IQCJ: variants seen among roughly 807,000 people sequenced by gnomAD.
IQCJ encodes the protein IQ motif containing J.
IQCJ carries 9 observed loss-of-function variants against 11.0 expected under a neutral mutation model. The ratio of observed to expected loss-of-function variants is 0.82; its 90% CI spans 0.49 to 1.43. The LOEUF is 1.43. IQCJ is among the 40% of genes most tolerant of loss of function. The probability of loss-of-function intolerance (pLI) is 0.00; values close to 1 mark genes in which losing one functional copy is unlikely to be tolerated. For synonymous variants in IQCJ, 55 were observed against 51.3 expected (o/e 1.07, Z -0.31); for missense variants, 146 against 133.2 (o/e 1.10, Z -0.47).
chr3:159,134,932 T>A (rs1393506443), intron 1 of IQCJ, among the ~76,000 whole-genome samples: 1 of 152,218 alleles, frequency 6.6e-6, no homozygotes, highest in African/African-American at 2.4e-5. Context: ...ACGGTAATTT[T>A]AGTCCCTGAG....
intron 2 of IQCJ, among the ~76,000 whole-genome samples, chr3:159,247,887 G>A (rs927026736): frequency 6.6e-6 from 1 of 152,130 alleles, no homozygotes; most frequent in African/African-American, 2.4e-5. Context: ...TGCTTCTGAG[G>A]CCTTTTCTCC....
At chr3:159,091,757 T>G (rs1717328689) in intron 1 of IQCJ, among the ~76,000 whole-genome samples, 1 of 150,098 alleles carries the variant, frequency 6.7e-6, no homozygotes, top group African/African-American at 2.5e-5. Context: ...TTGGGACAAT[T>G]TGAGTATCAG....
At chr3:159,156,208 C>A (rs1721512883) in intron 1 of IQCJ, among the ~76,000 whole-genome samples, 1 of 152,146 alleles carries the variant, frequency 6.6e-6, no homozygotes, top group Non-Finnish European at 1.5e-5. Context: ...CAAGAGAAAT[C>A]TAAGACAAAA....
At chr3:159,149,883 CT>C (rs1421053871) in intron 1 of IQCJ, among the ~76,000 whole-genome samples, 3 of 152,124 alleles carry the variant, frequency 2.0e-5, no homozygotes, top group Admixed American at 1.3e-4. Flanking sequence ...CATCTCTCCC[CT>C]GACTCATCTC....
intron 1 of IQCJ, among the ~76,000 whole-genome samples, chr3:159,169,478 G>C (rs1001271678): frequency 1.3e-5 from 2 of 151,156 alleles, no homozygotes; most frequent in Non-Finnish European, 3.0e-5. Context: ...GTAGAGGCGG[G>C]GTGGTTTCAC....
At chr3:159,155,448 A>G (rs1721462324) in intron 1 of IQCJ, among the ~76,000 whole-genome samples, 2 of 152,198 alleles carry the variant, frequency 1.3e-5, no homozygotes, top group South Asian at 4.1e-4. Flanking sequence ...GTGAGCCACC[A>G]TGCCTGGCCT....
chr3:159,085,445 G>A (rs1020802827), intron 1 of IQCJ, among the ~76,000 whole-genome samples: 23 of 151,980 alleles, frequency 1.5e-4, no homozygotes, highest in African/African-American at 5.6e-4. Context: ...TAATGGGATG[G>A]CTGGGTCAAA....
intron 1 of IQCJ, among the ~76,000 whole-genome samples, chr3:159,115,122 A>G (rs947392430): frequency 6.6e-6 from 1 of 152,246 alleles, no homozygotes; most frequent in East Asian, 1.9e-4. Flanking sequence ...TAGTTTGAGT[A>G]GGAAAGTTGC....
intron 1 of IQCJ, among the ~76,000 whole-genome samples, chr3:159,174,866 C>A (rs1577060870): frequency 6.6e-6 from 1 of 151,850 alleles, no homozygotes; most frequent in East Asian, 1.9e-4. Context: ...ACATATCTCA[C>A]CATAAATATG....
rs562703502 is a variant in IQCJ, at chr3:159,115,544, TTCTAGTGAGGAAGATTAGGAGCAAC to T, written c.9+46105_9+46129del. Among the ~76,000 whole-genome samples, 153 of 152,308 alleles carry T rather than the reference TTCTAGTGAGGAAGATTAGGAGCAAC, an allele frequency of 1.0e-3. 2 individuals carry two copies. The South Asian group carries it at 0.029, about 29-fold the overall frequency. ...TAAAATTTGCCTTCTGTCTTACTCATTCTAGTGAGGAAGATTAGGAGCAACTGGAAGCCATGGTGAAATATACTTC... is the reference window on the plus strand; with the variant it reads ...TAAAATTTGCCTTCTGTCTTACTCATTGGAAGCCATGGTGAAATATACTTC... On this transcript the variant is annotated intron_variant, in intron 1 of 3. Transcript: ENST00000397832.
At chr3:159,234,485 A>G (rs1726456420) in intron 1 of IQCJ, among the ~76,000 whole-genome samples, 2 of 152,164 alleles carry the variant, frequency 1.3e-5, no homozygotes, top group South Asian at 4.1e-4. Context: ...AGTTAGCAGT[A>G]GTGTTTATGA....
At chr3:159,189,327 G>A (rs1227368055) in intron 1 of IQCJ, among the ~76,000 whole-genome samples, 1 of 152,150 alleles carries the variant, frequency 6.6e-6, no homozygotes, top group Non-Finnish European at 1.5e-5. Context: ...GGGGACAAGG[G>A]GACAAGGATT....
At chr3:159,251,948 A>T (rs1239262019) in intron 2 of IQCJ, among the ~76,000 whole-genome samples, 1 of 152,180 alleles carries the variant, frequency 6.6e-6, no homozygotes, top group Non-Finnish European at 1.5e-5. Context: ...ACATTATGAG[A>T]CCAGTAACTA....
chr3:159,179,336 T>G (rs1722960475), intron 1 of IQCJ, among the ~76,000 whole-genome samples: 3 of 152,130 alleles, frequency 2.0e-5, no homozygotes, highest in South Asian at 4.2e-4. Context: ...TGGTCAGAGG[T>G]TCTCACCTCT....
At chr3:159,200,861 A>G (rs1449015) in intron 1 of IQCJ, among the ~76,000 whole-genome samples, 43,348 of 151,952 alleles carry the variant, frequency 0.29, 7,552 homozygotes, top group African/African-American at 0.48. Flanking sequence ...TGTTGGTCGC[A>G]GGCTGAGGGC....
At chr3:159,144,870 A>G (rs953903189) in intron 1 of IQCJ, among the ~76,000 whole-genome samples, 1 of 152,220 alleles carries the variant, frequency 6.6e-6, no homozygotes, top group Admixed American at 6.5e-5. Flanking sequence ...CATTTCTAAT[A>G]AAGAACATTT....
chr3:159,101,213 C>T (rs1023054298), intron 1 of IQCJ, among the ~76,000 whole-genome samples: 1 of 148,482 alleles, frequency 6.7e-6, no homozygotes, highest in Non-Finnish European at 1.5e-5. Context: ...GGCAATGCCT[C>T]GCCCTGCTTC....
chr3:159,242,836 A>G (rs1727015001), intron 1 of IQCJ, among the ~76,000 whole-genome samples: 1 of 152,198 alleles, frequency 6.6e-6, no homozygotes, highest in Non-Finnish European at 1.5e-5. Flanking sequence ...AATAAATTAT[A>G]TTGCATCAAA....
chr3:159,184,387 G>T (rs1283755834), intron 1 of IQCJ, among the ~76,000 whole-genome samples: 1 of 151,998 alleles, frequency 6.6e-6, no homozygotes. Context: ...TTCTAAAGTG[G>T]CCCCTGAATC....
Sources: allele counts gnomAD v4.1 joint callset (sites outside exome capture counted in the v4.1 genomes callset), GRCh38; gene constraint gnomAD v4.1.1; transcripts MANE v1.5; gene names NCBI Gene and HGNC (gene_info 2026-07-23, HGNC 2026-07-21).